Variants in CCNP observed in about 807,000 individuals in gnomAD.
CCNP encodes the protein cyclin-P.
Under a neutral mutation model 19.6 loss-of-function variants are expected in CCNP, and 18 were observed. The observed-to-expected ratio is 0.92, with a 90% CI of 0.64 to 1.36. The LOEUF is 1.36. CCNP is among the 40% of genes most tolerant of loss of function. The pLI is 0.00. For synonymous variants in CCNP, 228 were observed against 194.9 expected, an observed-to-expected ratio of 1.17 and a Z score of -1.41; for missense variants, 440 against 424.4, an observed-to-expected ratio of 1.04 and a Z score of -0.32.
Position 40,222,371 on chromosome 19 carries a change from T to G in CCNP, c.*681A>C. On this transcript the variant is annotated 3_prime_UTR_variant, in exon 5 of 5. Transcript: ENST00000430325. ...GGCGGCAAGGCTGGTCCCCTGGCGCTGGGGCCGCGCATACTTGAGGAAGAC... is the reference window on the plus strand; with the variant it reads ...GGCGGCAAGGCTGGTCCCCTGGCGCGGGGGCCGCGCATACTTGAGGAAGAC... 1 of 398,968 alleles carries G rather than the reference T, an allele frequency of 2.5e-6. No homozygotes were observed. Among genetic ancestry groups the G allele is most frequent in the Non-Finnish European group, 4.4e-6 (1 of 226,042 alleles). 24.7% of individuals were successfully genotyped at this position (398,968 alleles called of 1,614,324 possible).
intron 3 of CCNP, 28 bp downstream of exon 3, chr19:40,224,460 A>G (rs1599927785): frequency 6.2e-7 from 1 of 1,610,408 alleles, no homozygotes; most frequent in East Asian, 2.2e-5. Context: ...GACTCCATCC[A>G]CCCTCCCAAA....
Position 40,223,527 on chromosome 19 carries a change from A to G in CCNP, c.533T>C (p.Leu178Pro), listed in dbSNP as rs759266233. 2 of 1,600,730 alleles carry G rather than the reference A, an allele frequency of 1.2e-6. No individual in the cohort carries two copies. Among genetic ancestry groups the G allele is most frequent in the East Asian group, 2.2e-5 (1 of 44,544 alleles). Residue 178 changes from leucine to proline, a missense_variant, in exon 4 of 5, where the codon CTG (leucine) becomes CCG (proline). Transcript: ENST00000430325. ...CGCCCGTGAGAAGGAGTCCGCGCTC[A>G]GGAGGCAGAGGAAGGCGGGCTGCAG... ...VLPEPAFLCL[L>P]SADSFSRAEL... is the part of the protein sequence containing the mutation.
Position 40,223,234 on chromosome 19 carries a change from C to CCGGCTCCCATCCCGCCGCCT in CCNP, c.722_741dup (p.Gly248ArgfsTer15), listed in dbSNP as rs1183874890. On this transcript the variant is annotated frameshift_variant, in exon 5 of 5. Coordinates refer to ENST00000430325, the MANE Select transcript of CCNP (RefSeq NM_024877.4). LOFTEE classifies it low-confidence loss of function (END_TRUNC). ...CTCAGAGCCGCAGCCGCACGACGACCCGGCTCCCATCCCGCCGCCTCGGCC... is the reference window on the plus strand; with the variant it reads ...CTCAGAGCCGCAGCCGCACGACGACCCGGCTCCCATCCCGCCGCCTCGGCTCCCATCCCGCCGCCTCGGCC... 9 of 1,547,310 alleles carry CCGGCTCCCATCCCGCCGCCT rather than the reference C, an allele frequency of 5.8e-6. No individual in the cohort carries two copies. The highest frequency in any genetic ancestry group is 7.0e-6 in the Non-Finnish European group (8 of 1,144,652).
intron 3 of CCNP, among the ~76,000 whole-genome samples, chr19:40,224,104 A>C (rs1230742387): frequency 6.6e-6 from 1 of 151,904 alleles, no homozygotes; most frequent in Non-Finnish European, 1.5e-5. Flanking sequence ...ACAGGCGTGC[A>C]CCACCACACC....
chr19:40,223,311 TG>T lies in CCNP; in HGVS notation c.673-9del. 4.6e-6 allele frequency: 7 copies of T among 1,510,638 alleles called. No individual in the cohort carries two copies. In the Middle Eastern group the frequency reaches 6.9e-4, roughly 148 times the overall value. The allele number at this position is 1,510,638 out of a possible 1,614,324, so 93.6% of individuals were successfully genotyped here. A position where few individuals can be genotyped will look rare whatever the true frequency, so the allele number is the denominator to read the frequency against. On this transcript the variant is annotated splice_polypyrimidine_tract_variant and intron_variant, in intron 4 of 4. Transcript: ENST00000430325. ...GGTGGCAAGTAACATCACCTGCAAG[TG>T]AGGCGGGGCGACTGTCAGGCCACGC... is the stretch of plus-strand genomic sequence containing the variant.
Position 40,226,443 on chromosome 19 carries a change from C to T in CCNP, c.199G>A (p.Glu67Lys). Residue 67 changes from glutamate (E) to lysine (K), a missense_variant, in exon 1 of 5, where the codon GAG becomes AAG. By Grantham distance (56) the Glu-to-Lys change is moderately conservative. Transcript: ENST00000430325. Reference protein sequence around the residue: ...RRLARPPGLEEALSALGLQGE... With the variant: ...RRLARPPGLEKALSALGLQGE... ...TGCAGCCCCAGCGCGCTCAGCGCCT[C>T]CTCCAGCCCCGGCGGCCTCGCCAGG... is the stretch of plus-strand genomic sequence containing the variant. 1.2e-6 allele frequency: 2 copies of T among 1,609,048 alleles called. No individual in the cohort carries two copies. Among genetic ancestry groups the T allele is most frequent in the Non-Finnish European group, 1.7e-6 (2 of 1,179,354 alleles).
chr19:40,226,659 C>G lies in CCNP; in HGVS notation c.-18G>C. ...ACCAGCATCCTCCAGGAGGGTGTTGCGGGCGAGGCCAAGCACCGACCCTTG... is the reference window on the plus strand; with the variant it reads ...ACCAGCATCCTCCAGGAGGGTGTTGGGGGCGAGGCCAAGCACCGACCCTTG... On this transcript the variant is annotated 5_prime_UTR_variant, in exon 1 of 5. Transcript: ENST00000430325. 1 of 1,545,144 alleles carries G rather than the reference C, an allele frequency of 6.5e-7. No individual in the cohort carries two copies. The highest frequency in any genetic ancestry group is 8.7e-7 in the Non-Finnish European group (1 of 1,148,850).
In CCNP at chr19:40,224,755, G is replaced by A. The variant is rs1325883795; in HGVS notation, c.324C>T (p.Arg108=). Residue 108 remains arginine, a synonymous_variant, in exon 2 of 5, where the codon CGC becomes CGT. Transcript: ENST00000430325. ...GGACCAGCCAGTCTACCACCAGGGC[G>A]CGCATCTCCGGGGTCACAGCGCGGG... The part of the protein sequence containing the change: ...ALPRAVTPEM[R]ALVVDWLVQV... The A allele has an allele frequency of 1.9e-6, 3 of 1,566,230 alleles. No homozygotes were observed. The highest frequency in any genetic ancestry group is 1.9e-5 in the Admixed American group (1 of 51,526).
chr19:40,226,480 G>A lies in CCNP; in HGVS notation c.162C>T (p.Val54=). The A allele has an allele frequency of 6.2e-7, 1 of 1,606,172 alleles. No individual in the cohort carries two copies. Among genetic ancestry groups the A allele is most frequent in the South Asian group, 1.1e-5 (1 of 90,398 alleles). ...VPDGFPAGPT[V]SPRRLARPPG... is the part of the protein sequence containing the mutation. ...GCGGCCTCGCCAGGCGTCTTGGGGA[G>A]ACAGTGGGGCCCGCGGGGAAGCCGT... The change falls in exon 1 of 5, where the codon GTC becomes GTT. Residue 54 remains valine (V), a synonymous_variant. Coordinates refer to ENST00000430325, the MANE Select transcript of CCNP (RefSeq NM_024877.4).
intron 3 of CCNP, 81 bp downstream of exon 3, chr19:40,224,407 G>T: frequency 2.0e-6 from 3 of 1,500,606 alleles, no homozygotes; most frequent in Non-Finnish European, 2.7e-6. Flanking sequence ...ACTCAGCACG[G>T]TGCTTGGCAC....
chr19:40,224,699 C>T (rs1310092741), intron 2 of CCNP, 23 bp downstream of exon 2: 1 of 1,606,166 alleles, frequency 6.2e-7, no homozygotes, highest in East Asian at 2.2e-5. Context: ...AACTCAGCCC[C>T]CCACACCCTT....
In CCNP at chr19:40,223,113, C is replaced by A. The variant is rs755477360; in HGVS notation, c.863G>T (p.Ser288Ile). The change falls in exon 5 of 5, where the codon AGC (serine) becomes ATC (isoleucine). Residue 288 changes from serine to isoleucine, a missense_variant. Physicochemically the swap from Ser to Ile is moderately radical, Grantham distance 142. Transcript: ENST00000430325. ...LGGGSVWGHR[S>I]FRDLPSWSFL... is the part of the protein sequence containing the mutation. Reference sequence around the variant, plus strand: ...TGACCAGGAAGGTAAGTCCCTGAAGCTGCGGTGACCCCATACACTTCCTCC... The same window carrying A: ...TGACCAGGAAGGTAAGTCCCTGAAGATGCGGTGACCCCATACACTTCCTCC... 2.6e-6 allele frequency: 4 copies of A among 1,551,344 alleles called. No homozygotes were observed. Among genetic ancestry groups the A allele is most frequent in the Admixed American group, 3.9e-5 (2 of 50,954 alleles).
In CCNP at chr19:40,222,774, A is replaced by AG; in HGVS notation, c.*277dup. On this transcript the variant is annotated 3_prime_UTR_variant, in exon 5 of 5. Coordinates refer to ENST00000430325, the MANE Select transcript of CCNP (RefSeq NM_024877.4). ...CTCTCTATGCTGGGTGCACAGGCTG[A>AG]GGGAAACCATGGTTCGCCCTGCCAC... 1 of 449,968 alleles carries AG rather than the reference A, an allele frequency of 2.2e-6. No homozygotes were observed. The highest frequency in any genetic ancestry group is 3.5e-5 in the East Asian group (1 of 28,852). The allele number at this position is 449,968 out of a possible 1,614,324, so 27.9% of individuals were successfully genotyped here. A position where few individuals can be genotyped will look rare whatever the true frequency, so the allele number is the denominator to read the frequency against.
At position 40,223,483 on chromosome 19, in the gene CCNP, G is replaced by T; in HGVS notation, c.577C>A (p.Arg193Ser). 1.2e-6 allele frequency: 2 copies of T among 1,610,446 alleles called. No individual in the cohort carries two copies. The highest frequency in any genetic ancestry group is 1.7e-6 in the Non-Finnish European group (2 of 1,177,684). ...AAATCCAGGCGGCTCAGGATGCGACGCTCGGCGCGCAGCAGCTCCGCCCGT... is the reference window on the plus strand; with the variant it reads ...AAATCCAGGCGGCTCAGGATGCGACTCTCGGCGCGCAGCAGCTCCGCCCGT... ...FSRAELLRAE[R>S]RILSRLDFRL... Residue 193 changes from arginine to serine, a missense_variant, in exon 4 of 5, where the codon CGT becomes AGT. Coordinates refer to ENST00000430325, the MANE Select transcript of CCNP (RefSeq NM_024877.4).
intron 1 of CCNP, among the ~76,000 whole-genome samples, chr19:40,226,000 T>C (rs1973533825): frequency 1.3e-5 from 2 of 152,232 alleles, no homozygotes; most frequent in Admixed American, 1.3e-4. Flanking sequence ...GCGTGGCCTT[T>C]CCCTAGTTGT....
Position 40,226,599 on chromosome 19 carries a change from C to T in CCNP, c.43G>A (p.Gly15Arg), listed in dbSNP as rs965298495. 5 of 1,577,392 alleles carry T rather than the reference C, an allele frequency of 3.2e-6. No homozygotes were observed. The highest frequency in any genetic ancestry group is 2.3e-5 in the East Asian group (1 of 43,280). The part of the protein sequence containing the change: ...GRDQGSGSRL[G>R]PIVRRWAPRP... ...GGGGCCCAGCGCCTAACGATAGGCC[C>T]GAGCCGGGAGCCGGACCCCTGGTCC... Residue 15 changes from glycine to arginine, a missense_variant, in exon 1 of 5, where the codon GGG (glycine) becomes AGG (arginine). Transcript: ENST00000430325.
rs1169981175 is a variant in CCNP, at chr19:40,222,793, C to A, written c.*259G>T. The A allele has an allele frequency of 6.7e-6, 3 of 449,250 alleles. No homozygotes were observed. The highest frequency in any genetic ancestry group is 5.3e-5 in the South Asian group (1 of 18,968). The allele number at this position is 449,250 out of a possible 1,614,324, so 27.8% of individuals were successfully genotyped here. On this transcript the variant is annotated 3_prime_UTR_variant, in exon 5 of 5. Coordinates refer to ENST00000430325, the MANE Select transcript of CCNP (RefSeq NM_024877.4). ...AGGCTGAGGGAAACCATGGTTCGCC[C>A]TGCCACCTGGTAGCATGGTTAGCGG...
In CCNP at chr19:40,222,346, G is replaced by A. The variant is rs554768196; in HGVS notation, c.*706C>T. ...ACTGGAGGCGGCGGAGCAGGCAGGC[G>A]GCGGCAAGGCTGGTCCCCTGGCGCT... On this transcript the variant is annotated 3_prime_UTR_variant, in exon 5 of 5. Transcript: ENST00000430325. 3.8e-5 allele frequency: 15 copies of A among 398,944 alleles called. No individual in the cohort carries two copies. The highest frequency in any genetic ancestry group is 1.3e-4 in the South Asian group (1 of 7,898). 24.7% of individuals were successfully genotyped at this position (398,944 alleles called of 1,614,324 possible).
In CCNP at chr19:40,226,600, G is replaced by T. The variant is rs1157742104; in HGVS notation, c.42C>A (p.Leu14=). Residue 14 remains leucine, a synonymous_variant, in exon 1 of 5, where the codon CTC becomes CTA. Transcript: ENST00000430325. ...GGGCCCAGCGCCTAACGATAGGCCC[G>T]AGCCGGGAGCCGGACCCCTGGTCCC... ...RGRDQGSGSR[L]GPIVRRWAPR... 1 of 1,576,696 alleles carries T rather than the reference G, an allele frequency of 6.3e-7. No homozygotes were observed. Among genetic ancestry groups the T allele is most frequent in the Admixed American group, 1.9e-5 (1 of 53,590 alleles).
Sources: gnomAD v4.1 joint callset for allele counts (sites outside exome capture counted in the v4.1 genomes callset) on GRCh38, gnomAD v4.1.1 for gene constraint, MANE v1.5 for transcripts, NCBI Gene and HGNC (gene_info 2026-07-23, HGNC 2026-07-21) for gene names.